Variants in ACO2 observed in about 807,000 individuals in gnomAD.
ACO2 encodes aconitate hydratase, mitochondrial.
Under a neutral mutation model 84.5 loss-of-function variants are expected in ACO2, and 31 were observed. The observed-to-expected ratio is 0.37, with a 90% CI of 0.28 to 0.50. ACO2 has a LOEUF of 0.50. ACO2 is among the 20% of genes least tolerant of loss of function. The pLI, the probability that ACO2 is intolerant of heterozygous loss-of-function variation, is 0.97. For synonymous variants in ACO2, 414 were observed against 412.7 expected (o/e 1.00, Z -0.04); for missense variants, 685 against 1,029.3 (o/e 0.67, Z 4.58).
chr22:41,481,712 T>A (rs113682214), intron 1 of ACO2, among the ~76,000 whole-genome samples: 1 of 152,216 alleles, frequency 6.6e-6, no homozygotes, highest in African/African-American at 2.4e-5. Context: ...CTGTTGCTCA[T>A]CACGGCTTCT....
At chr22:41,514,859 A>G (rs1569016976) in intron 4 of ACO2, among the ~76,000 whole-genome samples, 1 of 152,182 alleles carries the variant, frequency 6.6e-6, no homozygotes, top group Non-Finnish European at 1.5e-5. Context: ...GGCATCACCT[A>G]TTCTTTGCAG....
intron 4 of ACO2, among the ~76,000 whole-genome samples, chr22:41,514,302 C>T (rs1307278640): frequency 6.6e-6 from 1 of 152,184 alleles, no homozygotes; most frequent in East Asian, 1.9e-4. Context: ...GACTGATGAG[C>T]GGCAGAACCT....
At chr22:41,528,448 A>C (rs763646019) in intron 17 of ACO2, 31 bp from the exon 18 acceptor site, 2 of 1,609,184 alleles carry the variant, frequency 1.2e-6, no homozygotes, top group Non-Finnish European at 1.7e-6. Flanking sequence ...AGTACCCACC[A>C]CTTCCACCCA....
intron 1 of ACO2, among the ~76,000 whole-genome samples, chr22:41,492,568 G>A (rs1270901159): frequency 1.3e-5 from 2 of 152,166 alleles, no homozygotes; most frequent in African/African-American, 4.8e-5. Flanking sequence ...GAGTTTGGGA[G>A]TTAAAGACCA....
At chr22:41,470,526 A>G (rs1293193815) in intron 1 of ACO2, among the ~76,000 whole-genome samples, 3 of 125,416 alleles carry the variant, frequency 2.4e-5, no homozygotes, top group African/African-American at 5.8e-5. Context: ...ATCTCTTTAC[A>G]TCTTTTTTTT....
In ACO2 at chr22:41,470,176, C is replaced by T. The variant is rs534540417; in HGVS notation, c.36+994C>T. Among the ~76,000 whole-genome samples the T allele has an allele frequency of 2.0e-5, 3 of 152,248 alleles. No individual in the cohort carries two copies. The South Asian group carries it at 6.2e-4, about 32-fold the overall frequency. The stretch of plus-strand genomic sequence containing the variant: ...GACAGCCCTGGGAAGGTGTTATACT[C>T]AGAGGTTCAATGTCAAATGTGTACT... On this transcript the variant is annotated intron_variant, in intron 1 of 17. Transcript: ENST00000216254.
intron 1 of ACO2, among the ~76,000 whole-genome samples, chr22:41,477,402 ACCTG>A (rs1248426743): frequency 1.3e-5 from 2 of 150,898 alleles, no homozygotes; most frequent in Non-Finnish European, 3.0e-5. Flanking sequence ...CTTGTGATCC[ACCTG>A]CCTCGGCCTC....
At chr22:41,500,380 T>C (rs559270886) in intron 2 of ACO2, among the ~76,000 whole-genome samples, 2 of 147,902 alleles carry the variant, frequency 1.4e-5, no homozygotes, top group African/African-American at 2.5e-5. Flanking sequence ...AAAATAAAAA[T>C]ATATATAAAT....
At chr22:41,524,793 G>A (rs1273502371) in intron 12 of ACO2, 53 bp from the exon 13 acceptor site, 15 of 1,613,202 alleles carry the variant, frequency 9.3e-6, no homozygotes, top group Non-Finnish European at 1.2e-5. Flanking sequence ...GTAGGTGCAG[G>A]AGACAGGAGT....
At chr22:41,496,291 G>C (rs2066312994) in intron 1 of ACO2, among the ~76,000 whole-genome samples, 1 of 152,086 alleles carries the variant, frequency 6.6e-6, no homozygotes, top group Non-Finnish European at 1.5e-5. Flanking sequence ...CTCCAGCCTG[G>C]GCGATGAGAG....
intron 7 of ACO2, 31 bp downstream of exon 7, chr22:41,517,662 G>C: frequency 6.3e-7 from 1 of 1,585,144 alleles, no homozygotes; most frequent in Non-Finnish European, 8.7e-7. Context: ...CCGTGTGGGT[G>C]GAACAGTCAC....
At chr22:41,511,520 GACTTGAGTGCCACAGGC>G (rs2066432999) in intron 3 of ACO2, among the ~76,000 whole-genome samples, 1 of 152,230 alleles carries the variant, frequency 6.6e-6, no homozygotes, top group Non-Finnish European at 1.5e-5. Flanking sequence ...CTCATCTGGG[GACTTGAGTGCCACAGGC>G]ACTCTTGGCA....
At chr22:41,501,447 TGAG>T (rs948384667) in intron 2 of ACO2, among the ~76,000 whole-genome samples, 1 of 152,200 alleles carries the variant, frequency 6.6e-6, no homozygotes, top group African/African-American at 2.4e-5. Flanking sequence ...CCACAGAGGA[TGAG>T]GAGTCGGGGC....
At chr22:41,478,764 CT>C (rs761466511) in intron 1 of ACO2, among the ~76,000 whole-genome samples, 2,064 of 125,854 alleles carry the variant, frequency 0.016, 31 homozygotes, top group African/African-American at 0.055. Context: ...CACATATCTT[CT>C]TTTTTTTTTT....
chr22:41,481,123 T>G (rs2038082275), intron 1 of ACO2, among the ~76,000 whole-genome samples: 1 of 152,102 alleles, frequency 6.6e-6, no homozygotes, highest in African/African-American at 2.4e-5. Context: ...AAATCTCTGC[T>G]CTTTTACCCC....
chr22:41,507,699 T>G, intron 2 of ACO2, 92 bp from the exon 3 acceptor site: 1 of 1,520,516 alleles, frequency 6.6e-7, no homozygotes, highest in Non-Finnish European at 8.9e-7. Flanking sequence ...CTGGCCACTG[T>G]TGAGGTTGCC....
chr22:41,499,543 C>T (rs2066338831), intron 1 of ACO2, among the ~76,000 whole-genome samples, 183 bp from the exon 2 acceptor site: 1 of 152,196 alleles, frequency 6.6e-6, no homozygotes, highest in Non-Finnish European at 1.5e-5. Context: ...TTTCCTACCC[C>T]AGGCTGTGTT....
Position 41,515,251 on chromosome 22 carries a change from C to A in ACO2, c.526-126C>A. ...TGGAGACGGCCTGGATTAAATGGGG[C>A]TGCTCCTACCAGTTCCATCCTGGGA... On this transcript the variant is annotated intron_variant, in intron 4 of 17. Coordinates refer to ENST00000216254, the MANE Select transcript of ACO2 (RefSeq NM_001098.3). This position sits in a 1 kb window ranked among gnomAD's most constrained non-coding sequence, Gnocchi z 5.8. The A allele has an allele frequency of 8.7e-7, 1 of 1,143,542 alleles. No homozygotes were observed. Among genetic ancestry groups the A allele is most frequent in the Non-Finnish European group, 1.3e-6 (1 of 775,390 alleles). The allele number at this position is 1,143,542 out of a possible 1,614,324, so 70.8% of individuals were successfully genotyped here.
intron 1 of ACO2, among the ~76,000 whole-genome samples, chr22:41,487,737 G>A (rs1421361671): frequency 6.6e-6 from 1 of 151,982 alleles, no homozygotes; most frequent in African/African-American, 2.4e-5. Context: ...GCTTATCTAG[G>A]ATGAGAATCC....
Sources: allele counts gnomAD v4.1 joint callset (sites outside exome capture counted in the v4.1 genomes callset), GRCh38; gene constraint gnomAD v4.1.1; non-coding constraint Gnocchi (gnomAD v3.1); transcripts MANE v1.5; gene names NCBI Gene and HGNC (gene_info 2026-07-23, HGNC 2026-07-21).